Variants in DGKB observed in about 807,000 individuals in gnomAD.
DGKB encodes diacylglycerol kinase beta.
DGKB carries 67 observed loss-of-function variants against 114.3 expected under a neutral mutation model. That is an observed-to-expected ratio of 0.59 (90% CI 0.48 to 0.72). The LOEUF (loss-of-function observed/expected upper bound fraction) is 0.72, where lower values mean the gene tolerates loss of function less well. Among genes scored for constraint, DGKB ranks in the 30% least tolerant of loss-of-function variants. DGKB has a pLI of 0.00. For missense variants in DGKB, 907 were observed against 975.2 expected (o/e 0.93, Z 0.93); for synonymous variants, 398 against 323.1 (o/e 1.23, Z -2.49).
intron 1 of DGKB, among the ~76,000 whole-genome samples, chr7:14,894,401 GAC>G (rs2128229201): frequency 6.6e-6 from 1 of 151,490 alleles, no homozygotes; most frequent in Admixed American, 6.6e-5. Context: ...ATGGTGATAA[GAC>G]ACAGGCGCTA....
intron 23 of DGKB, among the ~76,000 whole-genome samples, chr7:14,202,460 T>G (rs1418437288): frequency 2.0e-5 from 3 of 152,042 alleles, no homozygotes; most frequent in Non-Finnish European, 2.9e-5. Flanking sequence ...GCCACACTGT[T>G]GAAAACTCCT....
intron 25 of DGKB, among the ~76,000 whole-genome samples, chr7:14,156,402 T>C (rs188258156): frequency 2.0e-5 from 3 of 152,308 alleles, no homozygotes; most frequent in African/African-American, 7.2e-5. Context: ...TTGTGGTCTC[T>C]GAACTACTCA....
chr7:14,445,201 A>G (rs904334233), intron 21 of DGKB, among the ~76,000 whole-genome samples: 20 of 151,836 alleles, frequency 1.3e-4, no homozygotes, highest in Admixed American at 7.2e-4. Flanking sequence ...CATAATGTAT[A>G]GAGTAAAAAC....
intron 17 of DGKB, among the ~76,000 whole-genome samples, chr7:14,584,143 A>G (rs1800366716): frequency 6.6e-6 from 1 of 152,176 alleles, no homozygotes; most frequent in Non-Finnish European, 1.5e-5. Context: ...GTGTATCAGT[A>G]TATAACATAT....
intron 21 of DGKB, among the ~76,000 whole-genome samples, chr7:14,375,082 C>T (rs923265158): frequency 3.9e-5 from 6 of 152,126 alleles, no homozygotes. Flanking sequence ...TCCTTTGTAG[C>T]TACACAGGTG....
intron 20 of DGKB, among the ~76,000 whole-genome samples, chr7:14,531,461 T>C (rs879445699): frequency 6.6e-6 from 1 of 151,420 alleles, no homozygotes; most frequent in Non-Finnish European, 1.5e-5. Context: ...GTATGGTAGT[T>C]TCTAAGACTA....
chr7:14,712,481 G>C (rs1381952121), intron 6 of DGKB, among the ~76,000 whole-genome samples: 1 of 152,076 alleles, frequency 6.6e-6, no homozygotes, highest in African/African-American at 2.4e-5. Flanking sequence ...AGAGCAGCCT[G>C]ACCAACATGG....
At chr7:14,689,062 T>G (rs1284053388) in intron 9 of DGKB, among the ~76,000 whole-genome samples, 4 of 151,784 alleles carry the variant, frequency 2.6e-5, no homozygotes, top group Non-Finnish European at 5.9e-5. Flanking sequence ...TGACTTAACT[T>G]ATATAGAGAG....
intron 20 of DGKB, among the ~76,000 whole-genome samples, chr7:14,527,143 G>T (rs372768560): frequency 6.6e-6 from 1 of 152,058 alleles, no homozygotes; most frequent in Non-Finnish European, 1.5e-5. Context: ...TGGGTCACCA[G>T]GTCTTGCCTA....
chr7:14,951,531 C>A (rs967912118), intron 1 of DGKB, among the ~76,000 whole-genome samples: 1 of 151,846 alleles, frequency 6.6e-6, no homozygotes, highest in Admixed American at 6.6e-5. Context: ...ACAATCGAGG[C>A]ACAGGAAGTT....
chr7:14,187,186 C>T (rs1309917885), intron 23 of DGKB, among the ~76,000 whole-genome samples: 2 of 152,124 alleles, frequency 1.3e-5, no homozygotes, highest in African/African-American at 4.8e-5. Context: ...ATTTATAATA[C>T]CATGTGGGGT....
chr7:14,343,535 T>G (rs2128588084), intron 22 of DGKB, among the ~76,000 whole-genome samples: 1 of 151,918 alleles, frequency 6.6e-6, no homozygotes, highest in Admixed American at 6.6e-5. Context: ...AAGATTTTTT[T>G]TTTGTACTTT....
chr7:14,625,490 G>C (rs1332603592), intron 14 of DGKB, among the ~76,000 whole-genome samples: 4 of 149,516 alleles, frequency 2.7e-5, no homozygotes, highest in Non-Finnish European at 5.9e-5. Context: ...ATATTTATGA[G>C]AGTTAATTAC....
chr7:14,412,332 AT>A (rs1825024669), intron 21 of DGKB, among the ~76,000 whole-genome samples: 1 of 152,196 alleles, frequency 6.6e-6, no homozygotes, highest in African/African-American at 2.4e-5. Flanking sequence ...TCAAATTCTG[AT>A]TGGGATAATG....
chr7:14,819,869 A>C (rs1216614901), intron 2 of DGKB, among the ~76,000 whole-genome samples: 1 of 152,212 alleles, frequency 6.6e-6, no homozygotes, highest in Non-Finnish European at 1.5e-5. Flanking sequence ...TAGAAGGGTC[A>C]AATAAATGGC....
chr7:14,775,917 G>C (rs1455788843), intron 2 of DGKB, among the ~76,000 whole-genome samples: 2 of 152,134 alleles, frequency 1.3e-5, no homozygotes, highest in Non-Finnish European at 2.9e-5. Flanking sequence ...AACAGGAAGA[G>C]GCTGGAAGAA....
intron 23 of DGKB, among the ~76,000 whole-genome samples, chr7:14,253,780 T>A (rs915181391): frequency 6.6e-6 from 1 of 152,206 alleles, no homozygotes; most frequent in Non-Finnish European, 1.5e-5. Flanking sequence ...TCAGACTGCA[T>A]CTATGGGGCT....
At chr7:14,157,345 A>G (rs947626796) in intron 25 of DGKB, among the ~76,000 whole-genome samples, 7 of 150,134 alleles carry the variant, frequency 4.7e-5, no homozygotes, top group African/African-American at 1.5e-4. Context: ...AAGCAATGAA[A>G]CATAACAATT....
intron 20 of DGKB, among the ~76,000 whole-genome samples, chr7:14,493,646 G>GATT (rs918688833): frequency 4.6e-5 from 7 of 152,048 alleles, no homozygotes; most frequent in African/African-American, 1.7e-4. Flanking sequence ...ACAAAGGGAT[G>GATT]ATTCAAGACC....
Sources: allele counts gnomAD v4.1 joint callset (sites outside exome capture counted in the v4.1 genomes callset), GRCh38; gene constraint gnomAD v4.1.1; transcripts MANE v1.5; gene names NCBI Gene and HGNC (gene_info 2026-07-23, HGNC 2026-07-21).